The following ODR4 variants were observed in gnomAD, a reference collection of about 807,000 sequenced individuals.
ODR4 encodes the protein odr-4 GPCR localization factor homolog.
In ODR4, 47 loss-of-function variants were observed where a neutral mutation model predicts 60.2. That is an observed-to-expected ratio of 0.78 (90% CI 0.62 to 1.00). The LOEUF (loss-of-function observed/expected upper bound fraction) is 1.00, where lower values mean the gene tolerates loss of function less well. ODR4 is among the 50% of genes least tolerant of loss of function. The pLI is 0.00. For missense variants in ODR4, 488 were observed against 530.8 expected (o/e 0.92, Z 0.79); for synonymous variants, 178 against 175.5 (o/e 1.01, Z -0.11).
the ODR4 span, among the ~76,000 whole-genome samples, chr1:186,428,956 T>C: frequency 2.0e-5 from 3 of 152,126 alleles, no homozygotes; most frequent in South Asian, 6.2e-4. Flanking sequence ...GTAACAGATA[T>C]AATAAGGCTG....
chr1:186,385,070 A>C (rs562513984), intron 3 of ODR4, among the ~76,000 whole-genome samples: 1 of 152,134 alleles, frequency 6.6e-6, no homozygotes, highest in Non-Finnish European at 1.5e-5. Flanking sequence ...AAAACCTTAA[A>C]AATATGTATA....
intron 2 of ODR4, among the ~76,000 whole-genome samples, chr1:186,382,207 C>T (rs936305094): frequency 2.7e-5 from 4 of 147,494 alleles, no homozygotes; most frequent in Non-Finnish European, 3.0e-5. Flanking sequence ...AGAGTTTGAC[C>T]TAGCCTGGGC....
intron 4 of ODR4, among the ~76,000 whole-genome samples, chr1:186,387,068 C>T (rs1264075221): frequency 1.3e-5 from 2 of 152,016 alleles, no homozygotes; most frequent in African/African-American, 4.8e-5. Context: ...AATCTTGAGA[C>T]ATATAAAACC....
chr1:186,383,163 T>G lies in ODR4; in HGVS notation c.234+7T>G, dbSNP rs1286517495. 16 of 1,540,800 alleles carry G rather than the reference T, an allele frequency of 1.0e-5. No individual in the cohort carries two copies. The highest frequency in any genetic ancestry group is 1.4e-5 in the Non-Finnish European group (16 of 1,144,580). On this transcript the variant is annotated splice_region_variant and intron_variant, in intron 3 of 13. Transcript: ENST00000287859. ...CACAGAACATGCCTGCCAGGTTATC[T>G]TATTTTTTTGTTTATATGTTTAAGT... is the stretch of plus-strand genomic sequence containing the variant.
intron 12 of ODR4, 81 bp from the exon 13 acceptor site, chr1:186,417,463 T>G: frequency 1.3e-6 from 1 of 787,390 alleles, no homozygotes. Flanking sequence ...ATCGTATAGT[T>G]TTTTATAATG....
At chr1:186,416,877 GTAAAT>G (rs1661593619) in intron 12 of ODR4, among the ~76,000 whole-genome samples, 3 of 123,628 alleles carry the variant, frequency 2.4e-5, no homozygotes, top group South Asian at 2.6e-4. Context: ...AAAAAAAAAA[GTAAAT>G]TAATCTCAAG....
intron 11 of ODR4, among the ~76,000 whole-genome samples, chr1:186,402,262 C>T (rs1014149004): frequency 4.1e-5 from 3 of 72,362 alleles, no homozygotes; most frequent in African/African-American, 1.5e-4. Flanking sequence ...CTTTTCCCTC[C>T]CTCCTTCCCT....
chr1:186,412,850 G>A (rs910033496), intron 12 of ODR4, among the ~76,000 whole-genome samples: 6 of 151,970 alleles, frequency 3.9e-5, no homozygotes, highest in Non-Finnish European at 8.8e-5. Context: ...TATAAATGGA[G>A]GATGATATTA....
chr1:186,389,565 A>G, intron 5 of ODR4, 23 bp from the exon 6 acceptor site: 1 of 1,522,462 alleles, frequency 6.6e-7, no homozygotes. Flanking sequence ...TTTTTTGGTT[A>G]TTTCTGTCCT....
intron 3 of ODR4, among the ~76,000 whole-genome samples, chr1:186,384,572 G>GACACACACAC (rs368870659): frequency 0.014 from 1,824 of 129,616 alleles, 27 homozygotes; most frequent in South Asian, 0.034. Context: ...AATTGTATAT[G>GACACACACAC]ACACACACAC....
chr1:186,381,573 T>C (rs58392453), intron 2 of ODR4, among the ~76,000 whole-genome samples: 1,680 of 152,232 alleles, frequency 0.011, 41 homozygotes, highest in African/African-American at 0.039. Flanking sequence ...GTGATCCGCC[T>C]GCCTCGGCCT....
At chr1:186,423,114 G>C (rs1330503777), downstream of ODR4, among the ~76,000 whole-genome samples, 4 of 152,146 alleles carry the variant, frequency 2.6e-5, no homozygotes, top group Non-Finnish European at 5.9e-5. Context: ...CTTATTCATA[G>C]GTTGAATAGT....
chr1:186,418,244 GTGTC>G (rs1044868210), intron 13 of ODR4, among the ~76,000 whole-genome samples: 4 of 150,206 alleles, frequency 2.7e-5, no homozygotes, highest in African/African-American at 7.3e-5. Flanking sequence ...ACATGTGTGT[GTGTC>G]TGTCTGTCTG....
At chr1:186,376,002 G>GTGTA (rs947830485) in intron 1 of ODR4, 28 bp downstream of exon 1, 2 of 162,778 alleles carry the variant, frequency 1.2e-5, no homozygotes, top group East Asian at 1.7e-4. Flanking sequence ...TAGTGTGTGT[G>GTGTA]TGTGTGTGTG....
chr1:186,407,517 A>T (rs1376217352), intron 12 of ODR4, among the ~76,000 whole-genome samples: 1 of 152,086 alleles, frequency 6.6e-6, no homozygotes, highest in Non-Finnish European at 1.5e-5. Context: ...TGTTGGTAGG[A>T]TCATTCAAAT....
chr1:186,381,471 G>A (rs1476191589), intron 2 of ODR4, among the ~76,000 whole-genome samples: 2 of 152,114 alleles, frequency 1.3e-5, no homozygotes, highest in Admixed American at 6.5e-5. Context: ...GGGACTACAG[G>A]CGCCCGCCAC....
the ODR4 span, among the ~76,000 whole-genome samples, chr1:186,428,568 T>A: frequency 6.6e-6 from 1 of 152,238 alleles, no homozygotes; most frequent in African/African-American, 2.4e-5. Flanking sequence ...TTTTAATTTC[T>A]TTCAAGAACT....
intron 1 of ODR4, among the ~76,000 whole-genome samples, chr1:186,379,013 T>C (rs1413615677): frequency 2.6e-5 from 4 of 152,246 alleles, no homozygotes; most frequent in Non-Finnish European, 5.9e-5. Context: ...TATATGCTTA[T>C]CAAGTAAATG....
rs1661699122 is a variant in ODR4 at position 186,419,422 on chromosome 1, T to C, written c.*346T>C. The C allele has an allele frequency of 4.0e-6, 1 of 247,468 alleles. No homozygotes were observed. The allele number at this position is 247,468 out of a possible 1,614,324, so 15.3% of individuals were successfully genotyped here. ...ACATATTAATCAGGACATTAAAAAC[T>C]TTAACAGAGGCATGATGGCTCACAC... On this transcript the variant is annotated 3_prime_UTR_variant, in exon 14 of 14. Transcript: ENST00000287859.
Sources: gnomAD v4.1 joint callset for allele counts (sites outside exome capture counted in the v4.1 genomes callset) on GRCh38, gnomAD v4.1.1 for gene constraint, MANE v1.5 for transcripts, NCBI Gene and HGNC (gene_info 2026-07-23, HGNC 2026-07-21) for gene names.